The following BCL2 variants were observed in gnomAD, a reference collection of about 807,000 sequenced individuals.
The protein encoded by BCL2 is apoptosis regulator Bcl-2.
BCL2 carries 1 observed loss-of-function variant against 14.2 expected under a neutral mutation model. The ratio of observed to expected loss-of-function variants is 0.07; its 90% confidence interval spans 0.02 to 0.33. The LOEUF is 0.33. Among genes scored for constraint, BCL2 ranks in the 10% least tolerant of loss-of-function variants. The probability of loss-of-function intolerance (pLI) is 0.99; values close to 1 mark genes in which losing one functional copy is unlikely to be tolerated. For missense variants in BCL2, 247 were observed against 305.9 expected (o/e 0.81, Z 1.44); for synonymous variants, 151 against 137.2 (o/e 1.10, Z -0.70).
intron 2 of BCL2, among the ~76,000 whole-genome samples, chr18:63,254,082 G>A (rs1179844523): frequency 2.0e-5 from 3 of 152,076 alleles, no homozygotes; most frequent in Non-Finnish European, 4.4e-5. Context: ...GTCACAACTT[G>A]TTTTGAAAAC....
Position 63,213,947 on chromosome 18 carries a change from A to G in BCL2, c.586-85188T>C, listed in dbSNP as rs1394470603. ...AAGAAATTAAGAGGGGGCTGGGAGA[A>G]GCACTCTGTCAAATAGAAAGCCTAT... On this transcript the variant is annotated intron_variant, in intron 2 of 2. Transcript: ENST00000333681. Among the ~76,000 whole-genome samples, 4 of 152,180 alleles carry G rather than the reference A, an allele frequency of 2.6e-5. No homozygotes were observed. The East Asian group carries it at 7.7e-4, about 29-fold the overall frequency.
chr18:63,169,405 TTC>T (rs1315061575), intron 2 of BCL2, among the ~76,000 whole-genome samples: 5 of 102,418 alleles, frequency 4.9e-5, no homozygotes, highest in African/African-American at 2.7e-4. Context: ...TTCTTTCTTT[TTC>T]TTTCTCTCTC....
At chr18:63,302,272 GC>G in intron 2 of BCL2, 1 of 924,782 alleles carries the variant, frequency 1.1e-6, no homozygotes. Context: ...CTGCACTCCA[GC>G]CTGGGCAACA....
chr18:63,275,828 A>G (rs1742504283), intron 2 of BCL2, among the ~76,000 whole-genome samples: 1 of 152,216 alleles, frequency 6.6e-6, no homozygotes, highest in African/African-American at 2.4e-5. Context: ...GGGGTTACCT[A>G]GGAAAGGAAG....
At chr18:63,169,858 T>G (rs529797251) in intron 2 of BCL2, among the ~76,000 whole-genome samples, 1 of 152,254 alleles carries the variant, frequency 6.6e-6, no homozygotes, top group East Asian at 1.9e-4. Context: ...GTGGCCGTCA[T>G]CAAAGTAATT....
chr18:63,280,356 C>A (rs1318934809), intron 2 of BCL2, among the ~76,000 whole-genome samples: 1 of 152,074 alleles, frequency 6.6e-6, no homozygotes, highest in Non-Finnish European at 1.5e-5. Flanking sequence ...GAATTAAGAT[C>A]CTATATATAA....
chr18:63,192,994 A>G (rs996382567), intron 2 of BCL2, among the ~76,000 whole-genome samples: 1 of 152,234 alleles, frequency 6.6e-6, no homozygotes, highest in African/African-American at 2.4e-5. Flanking sequence ...AAACTCCCAA[A>G]TAACACCCCG....
At position 63,318,550 on chromosome 18, in the gene BCL2, G is replaced by A. The variant is rs776558326; in HGVS notation, c.117C>T (p.Pro39=). 3 of 1,589,524 alleles carry A rather than the reference G, an allele frequency of 1.9e-6. No individual in the cohort carries two copies. The highest frequency in any genetic ancestry group is 1.4e-5 in the African/African-American group (1 of 72,350). ...EWDAGDVGAA[P]PGAAPAPGIF... is the part of the protein sequence containing the mutation. ...TGCCCGGTGCGGGGGCGGCCCCCGG[G>A]GGCGCGGCGCCCACATCTCCCGCAT... Residue 39 remains proline, a synonymous_variant, in exon 2 of 3, where the codon CCC becomes CCT. Coordinates refer to ENST00000333681, the MANE Select transcript of BCL2 (RefSeq NM_000633.3). This position sits in a 1 kb window ranked among gnomAD's most constrained non-coding sequence, Gnocchi z 7.4.
At chr18:63,144,561 A>T (rs1914458539) in intron 2 of BCL2, among the ~76,000 whole-genome samples, 1 of 152,092 alleles carries the variant, frequency 6.6e-6, no homozygotes, top group Non-Finnish European at 1.5e-5. Context: ...TAAATATGAG[A>T]GGCTAAACAG....
intron 2 of BCL2, among the ~76,000 whole-genome samples, chr18:63,138,128 A>G (rs531839497): frequency 2.0e-5 from 3 of 152,386 alleles, no homozygotes; most frequent in Admixed American, 6.5e-5. Flanking sequence ...TCTTGCAGAA[A>G]GAGCGCTCCA....
intron 2 of BCL2, among the ~76,000 whole-genome samples, chr18:63,262,031 C>T (rs910447051): frequency 5.9e-5 from 9 of 152,164 alleles, no homozygotes; most frequent in African/African-American, 2.2e-4. Flanking sequence ...CTGCCCGCCT[C>T]GGCCTCCCAA....
intron 2 of BCL2, among the ~76,000 whole-genome samples, chr18:63,157,721 C>T (rs144244436): frequency 2.5e-4 from 38 of 152,304 alleles, no homozygotes; most frequent in East Asian, 1.2e-3. Flanking sequence ...GAGAAGCAGA[C>T]CTTCCTCCTA....
chr18:63,254,661 A>C (rs1453904791), intron 2 of BCL2, among the ~76,000 whole-genome samples: 1 of 152,174 alleles, frequency 6.6e-6, no homozygotes, highest in African/African-American at 2.4e-5. Flanking sequence ...TGAAACATCC[A>C]TATGTTTGTG....
At chr18:63,137,685 C>A (rs533588815) in intron 2 of BCL2, among the ~76,000 whole-genome samples, 1 of 152,244 alleles carries the variant, frequency 6.6e-6, no homozygotes, top group African/African-American at 2.4e-5. Context: ...AATATTATCA[C>A]CCCCACTCAC....
At chr18:63,266,795 T>C (rs1911846479) in intron 2 of BCL2, among the ~76,000 whole-genome samples, 1 of 152,142 alleles carries the variant, frequency 6.6e-6, no homozygotes, top group Non-Finnish European at 1.5e-5. Context: ...TCCTCATCCA[T>C]AAAATGGGGA....
At chr18:63,255,822 A>C (rs1229191159) in intron 2 of BCL2, among the ~76,000 whole-genome samples, 1 of 151,652 alleles carries the variant, frequency 6.6e-6, no homozygotes, top group Non-Finnish European at 1.5e-5. Context: ...GGTTGGCTGC[A>C]GCCCTCCCCC....
chr18:63,183,970 C>T (rs1466165661), intron 2 of BCL2, among the ~76,000 whole-genome samples: 2 of 152,230 alleles, frequency 1.3e-5, no homozygotes, highest in African/African-American at 4.8e-5. Context: ...TGCCCTCAAA[C>T]ATACCATCCC....
chr18:63,242,455 G>A (rs1044897812), intron 2 of BCL2, among the ~76,000 whole-genome samples: 3 of 152,242 alleles, frequency 2.0e-5, no homozygotes, highest in Non-Finnish European at 4.4e-5. Context: ...GTGTTGGAGA[G>A]TGCAAAACGG....
chr18:63,237,724 A>G (rs1010508561), intron 2 of BCL2, among the ~76,000 whole-genome samples: 1 of 152,220 alleles, frequency 6.6e-6, no homozygotes, highest in Non-Finnish European at 1.5e-5. Context: ...TGGTGGTAGC[A>G]TCTGATACCC....
Sources: gnomAD v4.1 joint callset for allele counts (sites outside exome capture counted in the v4.1 genomes callset) on GRCh38, gnomAD v4.1.1 for gene constraint, Gnocchi (gnomAD v3.1) non-coding constraint, MANE v1.5 for transcripts, NCBI Gene and HGNC (gene_info 2026-07-23, HGNC 2026-07-21) for gene names.